RBFOX1: variants seen among roughly 807,000 people sequenced by gnomAD.
RBFOX1 encodes RNA binding protein fox-1 homolog 1.
RBFOX1 carries 8 observed loss-of-function variants against 57.7 expected under a neutral mutation model. The ratio of observed to expected loss-of-function variants is 0.14; its 90% CI spans 0.08 to 0.25. RBFOX1 has a LOEUF of 0.25. Among genes scored for constraint, RBFOX1 ranks in the 10% least tolerant of loss-of-function variants. The pLI is 1.00. For missense variants in RBFOX1, 611 were observed against 548.5 expected (o/e 1.11, Z -1.14); for synonymous variants, 326 against 222.4 (o/e 1.47, Z -4.15).
intron 3 of RBFOX1, among the ~76,000 whole-genome samples, chr16:5,865,501 T>A (rs1387899559): frequency 2.0e-5 from 3 of 152,144 alleles, no homozygotes; most frequent in Admixed American, 6.6e-5. Context: ...GGTCTCCTGT[T>A]TAGAGGGCTA....
intron 3 of RBFOX1, among the ~76,000 whole-genome samples, chr16:7,004,808 GTGGCTGGGTCAGCTGT>G (rs2153640504): frequency 6.6e-6 from 1 of 152,248 alleles, no homozygotes; most frequent in South Asian, 2.1e-4. Flanking sequence ...GTCTCTATAA[GTGGCTGGGTCAGCTGT>G]TGGAACCTGT....
At chr16:7,088,475 C>A (rs1323639261) in intron 4 of RBFOX1, among the ~76,000 whole-genome samples, 1 of 151,650 alleles carries the variant, frequency 6.6e-6, no homozygotes, top group Non-Finnish European at 1.5e-5. Context: ...CAAGATTGGT[C>A]TTGAAAAAGG....
intron 2 of RBFOX1, among the ~76,000 whole-genome samples, chr16:6,439,469 G>T (rs55665914): frequency 0.017 from 2,552 of 152,258 alleles, 44 homozygotes; most frequent in Non-Finnish European, 0.024. Context: ...TGATGGGATT[G>T]TCGAGGAATG....
At chr16:7,675,545 C>T (rs1365242128) in intron 13 of RBFOX1, among the ~76,000 whole-genome samples, 5 of 152,258 alleles carry the variant, frequency 3.3e-5, no homozygotes, top group Non-Finnish European at 5.9e-5. Context: ...CAAATGATAG[C>T]ATATTTACTC....
intron 3 of RBFOX1, among the ~76,000 whole-genome samples, chr16:6,816,109 A>G (rs553409903): frequency 6.6e-6 from 1 of 152,126 alleles, no homozygotes; most frequent in African/African-American, 2.4e-5. Flanking sequence ...GGAGTTCGAG[A>G]CCAGCCTGTG....
chr16:7,124,000 TATTTA>T (rs752491069), intron 4 of RBFOX1, among the ~76,000 whole-genome samples: 4 of 152,190 alleles, frequency 2.6e-5, no homozygotes, highest in Admixed American at 6.5e-5. Flanking sequence ...ATATGATGTC[TATTTA>T]ATTCTAAAAA....
chr16:7,076,381 C>T (rs961560683), intron 4 of RBFOX1, among the ~76,000 whole-genome samples: 2 of 151,890 alleles, frequency 1.3e-5, no homozygotes, highest in Non-Finnish European at 2.9e-5. Flanking sequence ...ATTTATTTTA[C>T]CCGAGTCTTT....
At chr16:7,031,044 G>A (rs531764114) in intron 3 of RBFOX1, among the ~76,000 whole-genome samples, 2 of 152,318 alleles carry the variant, frequency 1.3e-5, no homozygotes, top group Admixed American at 1.3e-4. Flanking sequence ...GGGAGATGGT[G>A]TATGATGCTG....
intron 1 of RBFOX1, among the ~76,000 whole-genome samples, chr16:5,368,787 A>G (rs1183277402): frequency 6.6e-6 from 1 of 151,994 alleles, no homozygotes; most frequent in African/African-American, 2.4e-5. Flanking sequence ...TTTAACTCCA[A>G]TCCAGGGTCT....
At chr16:7,207,379 C>G (rs1054530266) in intron 4 of RBFOX1, among the ~76,000 whole-genome samples, 4 of 152,106 alleles carry the variant, frequency 2.6e-5, no homozygotes, top group Non-Finnish European at 5.9e-5. Context: ...ATCTTTATTT[C>G]TCTCTCCGTT....
chr16:6,595,049 A>C (rs2153995774), intron 2 of RBFOX1, among the ~76,000 whole-genome samples: 1 of 152,230 alleles, frequency 6.6e-6, no homozygotes, highest in South Asian at 2.1e-4. Flanking sequence ...TGCCTCCCAA[A>C]GTGCTGGGAT....
chr16:6,624,395 G>T (rs572428716), intron 2 of RBFOX1, among the ~76,000 whole-genome samples: 108 of 152,210 alleles, frequency 7.1e-4, no homozygotes, highest in Non-Finnish European at 1.2e-3. Flanking sequence ...TTTTTGCAGG[G>T]CAGTATCCTT....
In RBFOX1 at chr16:5,320,131, T is replaced by C. The variant is rs142565567; in HGVS notation, c.219+80026T>C. 6.0e-3 allele frequency among the ~76,000 whole-genome samples: 914 copies of C among 152,260 alleles called. 12 individuals carry two copies. Among genetic ancestry groups the C allele is most frequent in the African/African-American group, 0.021 (877 of 41,544 alleles). ...GTGCACAGGTCCAATAGGTGTGCCA[T>C]AGGTATGAACATGTGTTTATGTGCA... On this transcript the variant is annotated intron_variant, in intron 1 of 2. Transcript: ENST00000585867.
At chr16:6,349,679 A>C (rs1287016051) in intron 2 of RBFOX1, among the ~76,000 whole-genome samples, 2 of 152,228 alleles carry the variant, frequency 1.3e-5, no homozygotes, top group Non-Finnish European at 2.9e-5. Context: ...CAAACCTGGC[A>C]TTAACAATGG....
At chr16:5,598,790 TA>T in intron 2 of RBFOX1, 1 of 799,250 alleles carries the variant, frequency 1.3e-6, no homozygotes, top group Non-Finnish European at 1.9e-6. Flanking sequence ...GTACTGTGGC[TA>T]AACGTGGTGA....
chr16:6,766,600 C>G (rs775643156), intron 3 of RBFOX1, among the ~76,000 whole-genome samples: 1 of 151,832 alleles, frequency 6.6e-6, no homozygotes, highest in East Asian at 1.9e-4. Context: ...TCACATGGGA[C>G]TTGTGAGCAC....
chr16:6,581,176 C>T (rs748693933), intron 2 of RBFOX1, among the ~76,000 whole-genome samples: 35 of 152,112 alleles, frequency 2.3e-4, no homozygotes, highest in Non-Finnish European at 4.9e-4. Context: ...GCGCCACGCC[C>T]ACCCCTAATG....
intron 2 of RBFOX1, among the ~76,000 whole-genome samples, chr16:6,489,322 A>G (rs144168412): frequency 6.6e-6 from 1 of 152,248 alleles, no homozygotes; most frequent in East Asian, 1.9e-4. Flanking sequence ...ACATAGGTTT[A>G]TTGGTTTATT....
intron 3 of RBFOX1, among the ~76,000 whole-genome samples, chr16:6,962,216 C>T (rs777588174): frequency 1.3e-5 from 2 of 152,154 alleles, no homozygotes; most frequent in Admixed American, 6.5e-5. Context: ...CTTGTTTGCA[C>T]ATGGCCTTCT....
Sources: gnomAD v4.1 joint callset for allele counts (sites outside exome capture counted in the v4.1 genomes callset) on GRCh38, gnomAD v4.1.1 for gene constraint, MANE v1.5 for transcripts, NCBI Gene and HGNC (gene_info 2026-07-23, HGNC 2026-07-21) for gene names.